Variants in NUP62 observed in about 807,000 individuals in gnomAD.
The protein encoded by NUP62 is nucleoporin 62.
For missense variants in NUP62, 647 were observed against 689.4 expected, an observed-to-expected ratio of 0.94 and a Z score of 0.69; for synonymous variants, 305 against 303.4, an observed-to-expected ratio of 1.01 and a Z score of -0.05.
Position 49,909,526 on chromosome 19 carries a change from A to G in NUP62, c.282T>C (p.Ala94=), listed in dbSNP as rs1486708856. ...GGTGFSLGIG[A]SKLNLSNTAA... is the part of the protein sequence containing the mutation. ...CTGTGTTGCTCAAGTTGAGCTTTGA[A>G]GCACCGATCCCCAAAGAAAATCCAG... The change falls in exon 3 of 3, where the codon GCT becomes GCC. Residue 94 remains alanine, a synonymous_variant. Transcript: ENST00000352066. The G allele has an allele frequency of 5.0e-6, 8 of 1,614,146 alleles. No homozygotes were observed. In the African/African-American group the frequency reaches 1.1e-4, roughly 22 times the overall value.
chr19:49,916,287 T>C (rs1250501462), intron 2 of NUP62, among the ~76,000 whole-genome samples: 2 of 151,656 alleles, frequency 1.3e-5, no homozygotes, highest in East Asian at 3.9e-4. Flanking sequence ...TTTGGGAGGC[T>C]GAGGTGGGTG....
intron 2 of NUP62, among the ~76,000 whole-genome samples, chr19:49,920,462 C>T (rs774036543): frequency 7.2e-5 from 11 of 152,134 alleles, no homozygotes; most frequent in Non-Finnish European, 4.4e-5. Context: ...CGTACTAAAG[C>T]CACTAAGTTG....
At position 49,908,335 on chromosome 19, in the gene NUP62, G is replaced by A. The variant is rs754407712; in HGVS notation, c.1473C>T (p.Asn491=). The part of the protein sequence containing the change: ...HMDSLQWIDQ[N]SALLQRKVEE... The stretch of plus-strand genomic sequence containing the variant: ...CCACCTTCCTCTGCAGCAGGGCCGA[G>A]TTCTGGTCGATCCACTGCAGTGAGT... Residue 491 remains asparagine, a synonymous_variant, in exon 3 of 3, where the codon AAC becomes AAT. Transcript: ENST00000352066. The A allele has an allele frequency of 1.9e-6, 3 of 1,614,148 alleles. No individual in the cohort carries two copies. Among genetic ancestry groups the A allele is most frequent in the South Asian group, 1.1e-5 (1 of 91,088 alleles).
At position 49,908,470 on chromosome 19, in the gene NUP62, G is replaced by A. The variant is rs146748194; in HGVS notation, c.1338C>T (p.Arg446=). Residue 446 remains arginine, a synonymous_variant, in exon 3 of 3, where the codon CGC becomes CGT. Coordinates refer to ENST00000352066, the MANE Select transcript of NUP62 (RefSeq NM_016553.5). ...TGATGTCCTTGAGATCCTGGGCCAT[G>A]CGCTTGAGCTGTGCATCGATGTTCT... ...LAENIDAQLK[R]MAQDLKDIIE... 733 of 1,614,188 alleles carry A rather than the reference G, an allele frequency of 4.5e-4. 11 individuals carry two copies. The South Asian group carries it at 7.2e-3, about 16-fold the overall frequency.
intron 2 of NUP62, among the ~76,000 whole-genome samples, chr19:49,910,085 C>T (rs973627491): frequency 2.0e-5 from 3 of 152,048 alleles, no homozygotes; most frequent in African/African-American, 7.2e-5. Context: ...AGCCGGGGTG[C>T]TAGGGACGTG....
chr19:49,916,087 C>G (rs2075616191), intron 2 of NUP62, among the ~76,000 whole-genome samples: 1 of 152,234 alleles, frequency 6.6e-6, no homozygotes, highest in African/African-American at 2.4e-5. Flanking sequence ...CACACCGAGC[C>G]CTTCCTGGGT....
At position 49,926,857 on chromosome 19, in the gene NUP62, T is replaced by C. The variant is rs1420076595; in HGVS notation, c.-78+837A>G. ...GTAACAGCCCTAAGAAGTAGGTACTTTTTTTTTTTTTTTTTTGAGACGAGG... is the reference window on the plus strand; with the variant it reads ...GTAACAGCCCTAAGAAGTAGGTACTCTTTTTTTTTTTTTTTTGAGACGAGG... On this transcript the variant is annotated intron_variant, in intron 2 of 2. Transcript: ENST00000352066. Among the ~76,000 whole-genome samples the C allele has an allele frequency of 1.2e-3, 10 of 8,480 alleles. No homozygotes were observed. In the East Asian group the frequency reaches 0.28, roughly 236 times the overall value. 5.6% of individuals were successfully genotyped at this position (8,480 alleles called of 152,430 possible). A position where few individuals can be genotyped will look rare whatever the true frequency, so the allele number is the denominator to read the frequency against.
Position 49,907,883 on chromosome 19 carries a change from T to C in NUP62, c.*356A>G, listed in dbSNP as rs910084066. 4 of 389,610 alleles carry C rather than the reference T, an allele frequency of 1.0e-5. No homozygotes were observed. Among genetic ancestry groups the C allele is most frequent in the East Asian group, 6.2e-5 (1 of 16,088 alleles). The allele number at this position is 389,610 out of a possible 1,614,324, so 24.1% of individuals were successfully genotyped here. On this transcript the variant is annotated 3_prime_UTR_variant, in exon 3 of 3. Coordinates refer to ENST00000352066, the MANE Select transcript of NUP62 (RefSeq NM_016553.5). ...TATTTTTTCATGACACCTATGACTA[T>C]GCTTTGGAGAGAGTGGCTGCCCCCA...
At chr19:49,924,786 C>G (rs1397037119) in intron 2 of NUP62, among the ~76,000 whole-genome samples, 1 of 152,184 alleles carries the variant, frequency 6.6e-6, no homozygotes. Flanking sequence ...CTGGCACCCA[C>G]TCACCCTGAG....
At chr19:49,926,207 T>TC (rs1175498859) in intron 2 of NUP62, among the ~76,000 whole-genome samples, 2 of 34,808 alleles carry the variant, frequency 5.7e-5, no homozygotes, top group African/African-American at 3.2e-4. Flanking sequence ...AGACTCTGTC[T>TC]CAAAAAAAAA....
rs143482140 is a variant in NUP62 at position 49,914,121 on chromosome 19, G to A, written c.-77-4237C>T. Among the ~76,000 whole-genome samples the A allele has an allele frequency of 2.6e-5, 4 of 152,306 alleles. No homozygotes were observed. The East Asian group carries it at 5.8e-4, about 22-fold the overall frequency. ...CCCAGTACTTTCGGAGGCCAAGGCA[G>A]GAGGATTGCTTAAGCCCAGGAGTTT... On this transcript the variant is annotated intron_variant, in intron 2 of 2. Coordinates refer to ENST00000352066, the MANE Select transcript of NUP62 (RefSeq NM_016553.5).
At chr19:49,914,081 G>A (rs950874809) in intron 2 of NUP62, among the ~76,000 whole-genome samples, 1 of 152,150 alleles carries the variant, frequency 6.6e-6, no homozygotes, top group Non-Finnish European at 1.5e-5. Context: ...AGGCATGATG[G>A]CTCACACCTG....
At chr19:49,910,122 G>A (rs2075425838) in intron 2 of NUP62, among the ~76,000 whole-genome samples, 1 of 152,126 alleles carries the variant, frequency 6.6e-6, no homozygotes, top group Non-Finnish European at 1.5e-5. Flanking sequence ...CCAGTGGAAA[G>A]CTCCCACTCT....
intron 2 of NUP62, among the ~76,000 whole-genome samples, chr19:49,922,331 G>C (rs937638482): frequency 2.6e-5 from 4 of 152,162 alleles, no homozygotes; most frequent in African/African-American, 9.7e-5. Context: ...ATGGGGATTA[G>C]GAAGAGAGTA....
At chr19:49,929,027 G>C (rs563914335) in intron 1 of NUP62, 1 of 152,476 alleles carries the variant, frequency 6.6e-6, no homozygotes, top group African/African-American at 2.4e-5. Flanking sequence ...CAGCTGAGAG[G>C]GAGGAGGGTC....
Position 49,907,540 on chromosome 19 carries a change from T to TC in NUP62, c.*698_*699insG, listed in dbSNP as rs2075350000. On this transcript the variant is annotated 3_prime_UTR_variant, in exon 3 of 3. Transcript: ENST00000352066. Reference sequence around the variant, plus strand: ...GGCTGCTGTCTCCTGGGAGTTTCTTTTTTTTTTTTTTTTTTTTTGAGACAG... The same window carrying TC: ...GGCTGCTGTCTCCTGGGAGTTTCTTTCTTTTTTTTTTTTTTTTTTGAGACAG... 1 of 138,298 alleles carries TC rather than the reference T, an allele frequency of 7.2e-6. No individual in the cohort carries two copies. Among genetic ancestry groups the TC allele is most frequent in the Admixed American group, 9.4e-5 (1 of 10,694 alleles). 8.6% of individuals were successfully genotyped at this position (138,298 alleles called of 1,614,324 possible).
intron 2 of NUP62, among the ~76,000 whole-genome samples, chr19:49,914,731 T>G (rs74174300): frequency 0.045 from 3,971 of 88,014 alleles, 81 homozygotes; most frequent in African/African-American, 0.099. Context: ...TCCCAGTTTT[T>G]TTTTTTTTTT....
At chr19:49,914,857 A>G (rs2075584312) in intron 2 of NUP62, among the ~76,000 whole-genome samples, 1 of 146,054 alleles carries the variant, frequency 6.8e-6, no homozygotes, top group Non-Finnish European at 1.5e-5. Flanking sequence ...CTCCCACCTC[A>G]GCCTCCCGAG....
intron 2 of NUP62, among the ~76,000 whole-genome samples, chr19:49,917,149 G>C (rs1409647970): frequency 6.6e-6 from 1 of 152,230 alleles, no homozygotes; most frequent in Admixed American, 6.5e-5. Context: ...AGAGCAGAGA[G>C]TGAGGGAGTG....
Sources: allele counts gnomAD v4.1 joint callset (sites outside exome capture counted in the v4.1 genomes callset), GRCh38; gene constraint gnomAD v4.1.1; transcripts MANE v1.5; gene names NCBI Gene and HGNC (gene_info 2026-07-23, HGNC 2026-07-21).